The following PIGB variants were observed in gnomAD, a reference collection of about 807,000 sequenced individuals.
The protein encoded by PIGB is GPI alpha-1,2-mannosyltransferase 3.
A neutral mutation model predicts 68.4 loss-of-function variants in PIGB; 58 were observed. The observed-to-expected ratio is 0.85, with a 90% CI of 0.69 to 1.06. The LOEUF is 1.06. PIGB is among the 50% of genes least tolerant of loss of function. The pLI is 0.00. For synonymous variants in PIGB, 219 were observed against 220.5 expected (o/e 0.99, Z 0.06); for missense variants, 634 against 655.8 (o/e 0.97, Z 0.36).
At position 55,333,927 on chromosome 15, in the gene PIGB, G is replaced by C. The variant is rs778087657; in HGVS notation, c.714G>C (p.Leu238=). The C allele has an allele frequency of 6.2e-7, 1 of 1,609,534 alleles. No individual in the cohort carries two copies. Among genetic ancestry groups the C allele is most frequent in the East Asian group, 2.2e-5 (1 of 44,654 alleles). The part of the protein sequence containing the change: ...AFIIRPTAVI[L]WTPLLFRHFC... ...TAATTCGTCCCACAGCTGTCATTCT[G>C]TGGACACCTTTGCTCTTCAGACATT... Residue 238 remains leucine (L), a synonymous_variant, in exon 6 of 12, where the codon CTG becomes CTC. Transcript: ENST00000164305.
chr15:55,320,317 C>T lies in PIGB; in HGVS notation c.206C>T (p.Ala69Val). The T allele has an allele frequency of 6.2e-7, 1 of 1,612,800 alleles. No homozygotes were observed. The highest frequency in any genetic ancestry group is 8.5e-7 in the Non-Finnish European group (1 of 1,178,908). The part of the protein sequence containing the change: ...ENIYLLLFTI[A>V]LRILNCFLVQ... ...ATTTATCTGCTCTTGTTTACCATAG[C>T]TTTACGAATATTAAACTGCTTTTTA... Residue 69 changes from alanine (A) to valine (V), a missense_variant, in exon 2 of 12, where the codon GCT becomes GTT. Physicochemically the swap from Ala to Val is moderately conservative, Grantham distance 64. Coordinates refer to ENST00000164305, the MANE Select transcript of PIGB (RefSeq NM_004855.5).
At chr15:55,347,282 C>A (rs571730875) in intron 9 of PIGB, among the ~76,000 whole-genome samples, 2 of 152,176 alleles carry the variant, frequency 1.3e-5, no homozygotes, top group East Asian at 3.9e-4. Flanking sequence ...AAAAATTAGC[C>A]GGGCATGGCG....
chr15:55,320,012 C>CT (rs35663720), intron 1 of PIGB: 15,423 of 276,128 alleles, frequency 0.056, 319 homozygotes, highest in Middle Eastern at 0.067. Context: ...TTAACCCACT[C>CT]TTTTTTTTTT....
At chr15:55,350,600 A>C in intron 9 of PIGB, 99 bp from the exon 10 acceptor site, 1 of 752,336 alleles carries the variant, frequency 1.3e-6, no homozygotes, top group African/African-American at 1.7e-5. Flanking sequence ...TAACAGTATT[A>C]CAGTTTTTGC....
chr15:55,327,166 T>C (rs2055309242), intron 3 of PIGB, among the ~76,000 whole-genome samples: 1 of 148,594 alleles, frequency 6.7e-6, no homozygotes, highest in African/African-American at 2.4e-5. Context: ...ATATATGTCA[T>C]ATATATGCAC....
intron 10 of PIGB, 114 bp from the exon 11 acceptor site, chr15:55,354,682 AAC>A (rs2056030939): frequency 1.3e-6 from 1 of 765,974 alleles, no homozygotes; most frequent in East Asian, 2.8e-5. Context: ...ACTTAACTGC[AAC>A]ACAGTTTACA....
chr15:55,335,235 G>A (rs2055508263), intron 6 of PIGB, among the ~76,000 whole-genome samples: 3 of 152,164 alleles, frequency 2.0e-5, no homozygotes, highest in Admixed American at 2.0e-4. Flanking sequence ...TTCTCAGAAT[G>A]TATCCCCATT....
At chr15:55,325,508 T>G (rs984630114) in intron 3 of PIGB, among the ~76,000 whole-genome samples, 3 of 152,232 alleles carry the variant, frequency 2.0e-5, no homozygotes, top group Admixed American at 1.3e-4. Flanking sequence ...CCTTTCTAAC[T>G]ATAATTTAGT....
intron 5 of PIGB, among the ~76,000 whole-genome samples, chr15:55,332,908 G>A (rs1381835993): frequency 1.3e-5 from 2 of 152,152 alleles, no homozygotes; most frequent in East Asian, 3.9e-4. Context: ...TTATACAGTA[G>A]GCCTTTTATC....
chr15:55,329,077 C>T (rs1004971614), intron 4 of PIGB, among the ~76,000 whole-genome samples: 1 of 152,204 alleles, frequency 6.6e-6, no homozygotes, highest in East Asian at 1.9e-4. Flanking sequence ...GTGCCACATG[C>T]TTAACAATTG....
chr15:55,332,920 G>A (rs187149333), intron 5 of PIGB, among the ~76,000 whole-genome samples: 44 of 152,186 alleles, frequency 2.9e-4, no homozygotes, highest in Non-Finnish European at 3.2e-4. Flanking sequence ...CCTTTTATCA[G>A]TTGTATGCAT....
In PIGB at chr15:55,341,492, C is replaced by T. The variant is rs553691568; in HGVS notation, c.1059-246C>T. On this transcript the variant is annotated intron_variant, in intron 8 of 11. Transcript: ENST00000164305. The stretch of plus-strand genomic sequence containing the variant: ...CTTACTTGGATTGAAATAGAAATCC[C>T]GTTTTTAGAATGTAACTGTACTTTG... Among the ~76,000 whole-genome samples, 6 of 152,174 alleles carry T rather than the reference C, an allele frequency of 3.9e-5. No homozygotes were observed. In the South Asian group the frequency reaches 6.2e-4, roughly 16 times the overall value.
intron 3 of PIGB, among the ~76,000 whole-genome samples, chr15:55,325,915 C>T (rs11635303): frequency 0.31 from 47,565 of 151,656 alleles, 8,743 homozygotes; most frequent in East Asian, 0.58. Flanking sequence ...GACTCCATCT[C>T]GCTGGGCACG....
At chr15:55,353,134 T>C (rs1405967210) in intron 10 of PIGB, among the ~76,000 whole-genome samples, 1 of 152,194 alleles carries the variant, frequency 6.6e-6, no homozygotes, top group Non-Finnish European at 1.5e-5. Flanking sequence ...TACTTAACTG[T>C]AGTCAGTTGA....
chr15:55,323,204 G>A (rs979904220), intron 3 of PIGB, among the ~76,000 whole-genome samples: 1 of 152,196 alleles, frequency 6.6e-6, no homozygotes, highest in African/African-American at 2.4e-5. Context: ...AGCTAGAAGA[G>A]GTTGGAGAAG....
rs146612345 is a variant in PIGB at position 55,353,684 on chromosome 15, A to C, written c.1338-1114A>C. Among the ~76,000 whole-genome samples the C allele has an allele frequency of 8.9e-3, 1,353 of 152,152 alleles. 14 individuals carry two copies. The highest frequency in any genetic ancestry group is 0.02 in the Middle Eastern group (6 of 294). On this transcript the variant is annotated intron_variant, in intron 10 of 11. Coordinates refer to ENST00000164305, the MANE Select transcript of PIGB (RefSeq NM_004855.5). Reference sequence around the variant, plus strand: ...GTGGCGTATGATCTCAGCTCACTGCAACCTCCGTCTTCTGGGTTCAAGAAA... The same window carrying C: ...GTGGCGTATGATCTCAGCTCACTGCCACCTCCGTCTTCTGGGTTCAAGAAA...
rs932493310 is a variant in PIGB at position 55,329,783 on chromosome 15, C to T, written c.582C>T (p.Asn194=). 4 of 1,609,486 alleles carry T rather than the reference C, an allele frequency of 2.5e-6. No homozygotes were observed. The highest frequency in any genetic ancestry group is 2.2e-5 in the South Asian group (2 of 90,980). The stretch of plus-strand genomic sequence containing the variant: ...ATTGCTGTACCAGAACCCTTACAAA[C>T]ACCATGGAAACTGTTCTCACTATAA... ...TWYCCTRTLT[N]TMETVLTIIA... Residue 194 remains asparagine (N), a synonymous_variant, in exon 5 of 12, where the codon AAC becomes AAT. Coordinates refer to ENST00000164305, the MANE Select transcript of PIGB (RefSeq NM_004855.5).
intron 4 of PIGB, 136 bp downstream of exon 4, chr15:55,327,771 G>A: frequency 3.0e-6 from 2 of 660,260 alleles, no homozygotes; most frequent in Non-Finnish European, 5.3e-6. Flanking sequence ...CCATAAATAA[G>A]AACAGTAATA....
chr15:55,323,082 A>G (rs2055203297), intron 3 of PIGB, among the ~76,000 whole-genome samples: 1 of 152,172 alleles, frequency 6.6e-6, no homozygotes, highest in Non-Finnish European at 1.5e-5. Context: ...CCCCTCTAAA[A>G]GGAACTCATT....
Sources: allele counts gnomAD v4.1 joint callset (sites outside exome capture counted in the v4.1 genomes callset), GRCh38; gene constraint gnomAD v4.1.1; transcripts MANE v1.5; gene names NCBI Gene and HGNC (gene_info 2026-07-23, HGNC 2026-07-21).